Variants in ADRA1B observed in about 807,000 individuals in gnomAD.
The protein encoded by ADRA1B is alpha-1B adrenergic receptor.
In ADRA1B, 17 loss-of-function variants were observed where a neutral mutation model predicts 17.9. The observed-to-expected ratio is 0.95, with a 90% confidence interval of 0.65 to 1.42. The LOEUF is 1.42. Ranked by LOEUF, ADRA1B falls within the 40% of genes most tolerant of loss-of-function variation. ADRA1B has a pLI of 0.00. For missense variants in ADRA1B, 681 were observed against 722.1 expected (o/e 0.94, Z 0.65); for synonymous variants, 366 against 327.6 (o/e 1.12, Z -1.27).
the ADRA1B span, among the ~76,000 whole-genome samples, chr5:159,981,158 A>T: frequency 3.9e-5 from 6 of 152,348 alleles, no homozygotes; most frequent in Admixed American, 6.5e-5. Context: ...AGATATGCAG[A>T]TATAGATACA....
intron 1 of ADRA1B, among the ~76,000 whole-genome samples, chr5:159,902,781 C>T (rs1011026339): frequency 1.6e-4 from 25 of 152,226 alleles, no homozygotes; most frequent in Admixed American, 1.4e-3. Flanking sequence ...CTTTCCCCAT[C>T]TATAAAATGT....
At chr5:159,954,361 A>G (rs558693818) in intron 1 of ADRA1B, among the ~76,000 whole-genome samples, 1 of 152,154 alleles carries the variant, frequency 6.6e-6, no homozygotes, top group African/African-American at 2.4e-5. Context: ...TGGGATAAAG[A>G]TGGGGAGGAA....
At position 159,972,309 on chromosome 5, in the gene ADRA1B, GC is replaced by G. The variant is rs749572568; in HGVS notation, c.1386del (p.Gly463AlafsTer17). On this transcript the variant is annotated frameshift_variant, in exon 2 of 2. Coordinates refer to ENST00000306675, the MANE Select transcript of ADRA1B (RefSeq NM_000679.4). LOFTEE classifies it high-confidence loss of function. ...CCCTCCTGAGCCTGCCCGCGCCTGA[GC>G]CCCCCGGCCGCCGCGGCCGCCACGA... ...GALLSLPAPE[P>X]PGRRGRHDSG... 1.2e-5 allele frequency: 17 copies of G among 1,428,502 alleles called. No individual in the cohort carries two copies. The highest frequency in any genetic ancestry group is 5.5e-5 in the Admixed American group (2 of 36,190). The allele number at this position is 1,428,502 out of a possible 1,614,324, so 88.5% of individuals were successfully genotyped here. A position where few individuals can be genotyped will look rare whatever the true frequency, so the allele number is the denominator to read the frequency against.
chr5:159,879,126 G>A (rs2113084089), intron 1 of ADRA1B, among the ~76,000 whole-genome samples: 1 of 152,246 alleles, frequency 6.6e-6, no homozygotes, highest in African/African-American at 2.4e-5. Context: ...GGATTAGACT[G>A]TATCATTTTG....
Position 159,972,049 on chromosome 5 carries a change from C to T in ADRA1B, c.1120C>T (p.Arg374Ter). Residue 374 changes from arginine to a stop codon, truncating the protein, a stop_gained, in exon 2 of 2, where the codon CGA (arginine) becomes TGA (stop). Coordinates refer to ENST00000306675, the MANE Select transcript of ADRA1B (RefSeq NM_000679.4). LOFTEE classifies it low-confidence loss of function (END_TRUNC). ...GCQCRGRGRR[R>*]RRRRRRLGGC... Reference sequence around the variant, plus strand: ...CCAGTGCCGCGGCCGCGGCCGCCGCCGACGCCGCCGCCGCCGTCGCCTGGG... The same window carrying T: ...CCAGTGCCGCGGCCGCGGCCGCCGCTGACGCCGCCGCCGCCGTCGCCTGGG... 1.5e-6 allele frequency: 2 copies of T among 1,357,658 alleles called. No homozygotes were observed. The highest frequency in any genetic ancestry group is 1.9e-6 in the Non-Finnish European group (2 of 1,054,418). 84.1% of individuals were successfully genotyped at this position (1,357,658 alleles called of 1,614,324 possible).
At chr5:159,901,556 A>T (rs1235286570) in intron 1 of ADRA1B, among the ~76,000 whole-genome samples, 2 of 152,146 alleles carry the variant, frequency 1.3e-5, no homozygotes, top group Non-Finnish European at 1.5e-5. Context: ...AATTAACCAG[A>T]TATGTTGCTT....
chr5:159,978,688 C>A, the ADRA1B span, among the ~76,000 whole-genome samples: 2 of 152,210 alleles, frequency 1.3e-5, no homozygotes, highest in African/African-American at 4.8e-5. Context: ...ATTAGTAAGA[C>A]AAACAGCTTT....
intron 1 of ADRA1B, among the ~76,000 whole-genome samples, chr5:159,966,744 G>A (rs1247648300): frequency 1.3e-4 from 20 of 152,152 alleles, no homozygotes; most frequent in Admixed American, 1.3e-3. Context: ...GCTTAAATGT[G>A]GAAATGACCC....
In ADRA1B at chr5:159,917,493, G is replaced by A. The variant is rs772006674; in HGVS notation, c.588G>A (p.Gly196=). 4 of 1,613,960 alleles carry A rather than the reference G, an allele frequency of 2.5e-6. No individual in the cohort carries two copies. The highest frequency in any genetic ancestry group is 3.3e-4 in the Middle Eastern group (2 of 6,062). Residue 196 remains glycine (G), a synonymous_variant, in exon 1 of 2, where the codon GGG becomes GGA. Coordinates refer to ENST00000306675, the MANE Select transcript of ADRA1B (RefSeq NM_000679.4). ...CACCCAACGATGACAAGGAGTGCGG[G>A]GTCACCGAAGAACCCTTCTATGCCC... ...EPAPNDDKEC[G]VTEEPFYALF... is the part of the protein sequence containing the mutation.
chr5:159,954,640 A>G (rs2113269446), intron 1 of ADRA1B, among the ~76,000 whole-genome samples: 1 of 152,270 alleles, frequency 6.6e-6, no homozygotes, highest in East Asian at 1.9e-4. Flanking sequence ...CAAGGAAGGT[A>G]GTGTCCCTGC....
chr5:159,967,341 T>C (rs910962279), intron 1 of ADRA1B, among the ~76,000 whole-genome samples: 1 of 152,162 alleles, frequency 6.6e-6, no homozygotes, highest in Non-Finnish European at 1.5e-5. Flanking sequence ...GATCTGCTTG[T>C]ATGAATTCTA....
At chr5:159,950,997 CAA>C (rs1755423672) in intron 1 of ADRA1B, 1 of 646,946 alleles carries the variant, frequency 1.5e-6, no homozygotes, top group Non-Finnish European at 2.9e-6. Context: ...TCCACAATAC[CAA>C]AGTTGTCATG....
chr5:159,897,401 G>A (rs1340718437), intron 1 of ADRA1B, among the ~76,000 whole-genome samples: 2 of 152,064 alleles, frequency 1.3e-5, no homozygotes, highest in East Asian at 1.9e-4. Context: ...CGGGAGAATC[G>A]CTTGAACCTG....
chr5:159,881,921 G>T (rs1251732587), intron 1 of ADRA1B, among the ~76,000 whole-genome samples: 1 of 152,108 alleles, frequency 6.6e-6, no homozygotes, highest in African/African-American at 2.4e-5. Context: ...TAGTGGCATG[G>T]GTGTCCCGAA....
At chr5:159,979,324 AG>A in the ADRA1B span, among the ~76,000 whole-genome samples, 1 of 152,162 alleles carries the variant, frequency 6.6e-6, no homozygotes. Flanking sequence ...CTATCCTCTG[AG>A]AGGGTCAGTT....
chr5:159,878,454 T>C (rs971066053), intron 1 of ADRA1B, among the ~76,000 whole-genome samples: 3 of 152,162 alleles, frequency 2.0e-5, no homozygotes, highest in Admixed American at 2.0e-4. Flanking sequence ...AACCAGACCA[T>C]CTCAGGCAGT....
chr5:159,902,106 T>C (rs1365020431), intron 1 of ADRA1B, among the ~76,000 whole-genome samples: 2 of 151,818 alleles, frequency 1.3e-5, no homozygotes, highest in Non-Finnish European at 2.9e-5. Flanking sequence ...GTCAGATGAG[T>C]GAATAAAGAA....
At chr5:159,868,661 T>A (rs1019349626) in intron 1 of ADRA1B, 1 of 152,178 alleles carries the variant, frequency 6.6e-6, no homozygotes, top group African/African-American at 2.4e-5. Flanking sequence ...ATGGGTGGCA[T>A]AGTTTTTGTA....
intron 1 of ADRA1B, among the ~76,000 whole-genome samples, chr5:159,930,988 AAT>A (rs1160393099): frequency 2.7e-5 from 4 of 147,496 alleles, no homozygotes; most frequent in African/African-American, 4.9e-5. Context: ...ACATATATAT[AAT>A]ATATATATTT....
Sources: allele counts gnomAD v4.1 joint callset (sites outside exome capture counted in the v4.1 genomes callset), GRCh38; gene constraint gnomAD v4.1.1; transcripts MANE v1.5; gene names NCBI Gene and HGNC (gene_info 2026-07-23, HGNC 2026-07-21).